Variants in MROH9 observed in about 807,000 individuals in gnomAD.
MROH9 encodes the protein maestro heat like repeat family member 9.
A neutral mutation model predicts 98.2 loss-of-function variants in MROH9; 92 were observed. The ratio of observed to expected loss-of-function variants is 0.94; its 90% CI spans 0.79 to 1.11. The LOEUF (loss-of-function observed/expected upper bound fraction) is 1.11, where lower values mean the gene tolerates loss of function less well. Among genes scored for constraint, MROH9 ranks in the 50% most tolerant of loss-of-function variants. The probability of loss-of-function intolerance (pLI) is 0.00; values close to 1 mark genes in which losing one functional copy is unlikely to be tolerated. For missense variants in MROH9, 1,057 were observed against 1,014.8 expected (o/e 1.04, Z -0.57); for synonymous variants, 397 against 368.9 (o/e 1.08, Z -0.87).
chr1:171,064,546 CTG>C lies in MROH9; in HGVS notation c.*208_*209del. On this transcript the variant is annotated 3_prime_UTR_variant, in exon 22 of 22. Coordinates refer to ENST00000367759, the MANE Select transcript of MROH9 (RefSeq NM_001163629.2). ...TAGAAATCTGAGAGAACTAGTGCCT[CTG>C]TATGTCTGACAGTGATCAGAAGCCC... is the stretch of plus-strand genomic sequence containing the variant. 2.0e-6 allele frequency: 1 copy of C among 495,350 alleles called. No individual in the cohort carries two copies. The highest frequency in any genetic ancestry group is 3.5e-6 in the Non-Finnish European group (1 of 287,944). The allele number at this position is 495,350 out of a possible 1,614,324, so 30.7% of individuals were successfully genotyped here.
intron 3 of MROH9, among the ~76,000 whole-genome samples, chr1:170,956,993 C>A (rs1027676699): frequency 1.4e-5 from 2 of 146,472 alleles, no homozygotes; most frequent in African/African-American, 5.0e-5. Context: ...AGGTCTTTTG[C>A]CCATTTGTAA....
chr1:171,017,672 C>G (rs1450629552), intron 17 of MROH9, among the ~76,000 whole-genome samples: 2 of 152,100 alleles, frequency 1.3e-5, no homozygotes, highest in Admixed American at 1.3e-4. Flanking sequence ...GGTAGGGCAG[C>G]AGCCATCTCT....
At chr1:171,022,959 G>A (rs16863948) in intron 17 of MROH9, among the ~76,000 whole-genome samples, 19,289 of 152,066 alleles carry the variant, frequency 0.13, 1,333 homozygotes, top group Middle Eastern at 0.19. Context: ...TAGTCAGAGC[G>A]CTCATATAAA....
chr1:171,036,059 G>GA (rs1053621261), intron 20 of MROH9, among the ~76,000 whole-genome samples: 2 of 152,010 alleles, frequency 1.3e-5, no homozygotes, highest in Non-Finnish European at 2.9e-5. Context: ...CATACCAATG[G>GA]AAAAAAATCA....
intron 10 of MROH9, among the ~76,000 whole-genome samples, chr1:170,989,437 A>ATATGTGGATTCAAATCGTCTTTAACTTG (rs1651267987): frequency 6.6e-6 from 1 of 152,196 alleles, no homozygotes; most frequent in African/African-American, 2.4e-5. Flanking sequence ...CATCCCTTCA[A>ATATGTGGATTCAAATCGTCTTTAACTTG]TATGTGGATT....
At chr1:171,004,244 TC>T (rs1038196039) in intron 15 of MROH9, among the ~76,000 whole-genome samples, 2 of 152,104 alleles carry the variant, frequency 1.3e-5, no homozygotes, top group African/African-American at 4.8e-5. Context: ...ATTCATGCCC[TC>T]CCCCGAGTTC....
intron 9 of MROH9, among the ~76,000 whole-genome samples, chr1:170,983,932 CTG>C (rs1397997238): frequency 1.3e-5 from 2 of 152,120 alleles, no homozygotes; most frequent in African/African-American, 2.4e-5. Flanking sequence ...CATAATGACA[CTG>C]TGATTTTGAT....
At chr1:171,035,990 A>G (rs1350165709) in intron 20 of MROH9, among the ~76,000 whole-genome samples, 1 of 152,154 alleles carries the variant, frequency 6.6e-6, no homozygotes, top group African/African-American at 2.4e-5. Context: ...TTATAACCCA[A>G]TCCTCCAAAT....
chr1:170,982,454 T>G (rs1026093345), intron 8 of MROH9, among the ~76,000 whole-genome samples: 18 of 152,050 alleles, frequency 1.2e-4, no homozygotes, highest in African/African-American at 3.6e-4. Context: ...AGTCAGAGGA[T>G]GGATACAGGG....
intron 19 of MROH9, 23 bp from the exon 20 acceptor site, chr1:171,025,295 C>A (rs972458363): frequency 2.1e-6 from 3 of 1,434,074 alleles, no homozygotes; most frequent in East Asian, 2.5e-5. Flanking sequence ...GAGTGAGGTG[C>A]TTTTTTCCCT....
At position 170,992,213 on chromosome 1, in the gene MROH9, C is replaced by G; in HGVS notation, c.1078C>G (p.Pro360Ala). ...GGCATGTTCTCAGGCGAGCGTGGCC[C>G]CTCACGTGCTGAAGACAATCTTATT... ...KAACSQASVAPHVLKTILLIL... is the reference protein window; with the variant it reads ...KAACSQASVAAHVLKTILLIL... Residue 360 changes from proline to alanine, a missense_variant, in exon 12 of 22, where the codon CCT becomes GCT. Transcript: ENST00000367759. 6.2e-7 allele frequency: 1 copy of G among 1,613,148 alleles called. No homozygotes were observed. The highest frequency in any genetic ancestry group is 8.5e-7 in the Non-Finnish European group (1 of 1,179,534).
At chr1:170,939,368 T>C (rs1441156022) in intron 1 of MROH9, among the ~76,000 whole-genome samples, 3 of 152,232 alleles carry the variant, frequency 2.0e-5, no homozygotes, top group African/African-American at 7.2e-5. Flanking sequence ...TTTTGCCCAC[T>C]GGGAGTATTT....
At chr1:170,987,518 TGG>T (rs1651188293) in intron 10 of MROH9, among the ~76,000 whole-genome samples, 1 of 152,226 alleles carries the variant, frequency 6.6e-6, no homozygotes, top group African/African-American at 2.4e-5. Flanking sequence ...TTCTTCATGC[TGG>T]TTTTATTTGC....
In MROH9 at chr1:170,958,539, A is replaced by T; in HGVS notation, c.151A>T (p.Ser51Cys). The change falls in exon 4 of 22, where the codon AGC becomes TGC. Residue 51 changes from serine (S) to cysteine (C), a missense_variant and splice_region_variant. By Grantham distance (112) the Ser-to-Cys change is moderately radical. Transcript: ENST00000367759. ...NESMILAVNSSFVDPLLQFES... is the reference protein window; with the variant it reads ...NESMILAVNSCFVDPLLQFES... Reference sequence around the variant, plus strand: ...ATCCATGATCCTGGCTGTGAACTCCAGGTATGATAAGCTATCATGCTCTTT... The same window carrying T: ...ATCCATGATCCTGGCTGTGAACTCCTGGTATGATAAGCTATCATGCTCTTT... The T allele has an allele frequency of 6.3e-7, 1 of 1,578,128 alleles. No individual in the cohort carries two copies. The highest frequency in any genetic ancestry group is 1.7e-5 in the Admixed American group (1 of 59,030).
At position 171,024,354 on chromosome 1, in the gene MROH9, G is replaced by A. The variant is rs539726633; in HGVS notation, c.1909-41G>A. 1.2e-4 allele frequency: 177 copies of A among 1,500,368 alleles called. 2 individuals are homozygous for A. The East Asian group carries it at 3.9e-3, about 33-fold the overall frequency. 92.9% of individuals were successfully genotyped at this position (1,500,368 alleles called of 1,614,324 possible). On this transcript the variant is annotated intron_variant, in intron 17 of 21. Coordinates refer to ENST00000367759, the MANE Select transcript of MROH9 (RefSeq NM_001163629.2). ...TGTAGATTACTGATTGAAGAAAAAA[G>A]CCCTAATATTATCCTCAAATAAGGC...
At chr1:170,949,535 T>C (rs1284921601) in intron 3 of MROH9, among the ~76,000 whole-genome samples, 1 of 152,158 alleles carries the variant, frequency 6.6e-6, no homozygotes, top group East Asian at 1.9e-4. Flanking sequence ...AGATACTCCT[T>C]ATAAGTAATA....
intron 15 of MROH9, among the ~76,000 whole-genome samples, chr1:171,012,024 A>G (rs1460290864): frequency 5.3e-5 from 8 of 152,030 alleles, no homozygotes; most frequent in Admixed American, 1.3e-4. Flanking sequence ...CTTTTTAAGT[A>G]AAATATTTAA....
intron 15 of MROH9, among the ~76,000 whole-genome samples, chr1:171,013,874 TACACACACACACACACAC>T (rs34557125): frequency 9.0e-5 from 13 of 144,276 alleles, no homozygotes; most frequent in East Asian, 2.1e-4. Flanking sequence ...GTAAAATACA[TACACACACACACACACAC>T]ACACACACAC....
At chr1:171,031,104 AC>A (rs1233780221) in intron 20 of MROH9, among the ~76,000 whole-genome samples, 1 of 151,764 alleles carries the variant, frequency 6.6e-6, no homozygotes, top group Non-Finnish European at 1.5e-5. Flanking sequence ...TAGCATTGCA[AC>A]CCCTGCGGTT....
Sources: gnomAD v4.1 joint callset for allele counts (sites outside exome capture counted in the v4.1 genomes callset) on GRCh38, gnomAD v4.1.1 for gene constraint, MANE v1.5 for transcripts, NCBI Gene and HGNC (gene_info 2026-07-23, HGNC 2026-07-21) for gene names.